Variants in MSRB3 observed in about 807,000 individuals in gnomAD.
MSRB3 encodes methionine sulfoxide reductase B3.
In MSRB3, 13 loss-of-function variants were observed where a neutral mutation model predicts 21.0. The observed-to-expected ratio is 0.62, with a 90% CI of 0.40 to 0.98. The LOEUF is 0.98. Ranked by LOEUF, MSRB3 falls within the 50% of genes least tolerant of loss-of-function variation. The pLI, the probability that MSRB3 is intolerant of heterozygous loss-of-function variation, is 0.00. For synonymous variants in MSRB3, 87 were observed against 88.6 expected, an observed-to-expected ratio of 0.98 and a Z score of 0.10; for missense variants, 199 against 230.3, an observed-to-expected ratio of 0.86 and a Z score of 0.88.
intron 5 of MSRB3, among the ~76,000 whole-genome samples, chr12:65,429,392 A>G (rs1296103333): frequency 6.6e-6 from 1 of 152,076 alleles, no homozygotes; most frequent in African/African-American, 2.4e-5. Context: ...AAGAGAAAGC[A>G]AGTATTTGAT....
chr12:65,349,215 A>C (rs533848579), intron 4 of MSRB3, among the ~76,000 whole-genome samples: 49 of 152,248 alleles, frequency 3.2e-4, no homozygotes, highest in African/African-American at 1.1e-3. Flanking sequence ...AGTTTCATCC[A>C]TGCCCCTACA....
chr12:65,462,216 G>A (rs532124786), intron 6 of MSRB3, among the ~76,000 whole-genome samples: 1 of 152,144 alleles, frequency 6.6e-6, no homozygotes, highest in African/African-American at 2.4e-5. Context: ...GTGCACCAGT[G>A]TCTCCATCTC....
chr12:65,279,225 C>A, intron 1 of MSRB3: 1 of 375,846 alleles, frequency 2.7e-6, no homozygotes, highest in Non-Finnish European at 4.3e-6. Flanking sequence ...CCGCGGGAGG[C>A]AGGGGAGGGG....
At chr12:65,390,275 C>T (rs2136575750) in intron 5 of MSRB3, among the ~76,000 whole-genome samples, 1 of 152,214 alleles carries the variant, frequency 6.6e-6, no homozygotes, top group East Asian at 1.9e-4. Flanking sequence ...ACCCCAAACG[C>T]AACTCCTTCA....
At chr12:65,325,902 A>G (rs1277830695) in intron 2 of MSRB3, among the ~76,000 whole-genome samples, 1 of 152,232 alleles carries the variant, frequency 6.6e-6, no homozygotes, top group East Asian at 1.9e-4. Context: ...TACTACATAT[A>G]AACAGGTGTT....
At position 65,351,225 on chromosome 12, in the gene MSRB3, C is replaced by T. The variant is rs1163312941; in HGVS notation, c.264-17773C>T. Among the ~76,000 whole-genome samples, 7 of 151,124 alleles carry T rather than the reference C, an allele frequency of 4.6e-5. No homozygotes were observed. In the East Asian group the frequency reaches 5.8e-4, roughly 13 times the overall value. On this transcript the variant is annotated intron_variant, in intron 4 of 6. Transcript: ENST00000308259. Reference sequence around the variant, plus strand: ...TCCTGAATGACTACTGGATACATAACGAAATGAAGGCAGAAATAAAGATGT... The same window carrying T: ...TCCTGAATGACTACTGGATACATAATGAAATGAAGGCAGAAATAAAGATGT...
At chr12:65,309,795 GAA>G (rs1364580675) in intron 2 of MSRB3, among the ~76,000 whole-genome samples, 1 of 152,120 alleles carries the variant, frequency 6.6e-6, no homozygotes, top group African/African-American at 2.4e-5. Flanking sequence ...AGTAGCATGG[GAA>G]AACATGAAGG....
intron 5 of MSRB3, among the ~76,000 whole-genome samples, chr12:65,425,519 T>C (rs1175191461): frequency 6.6e-6 from 1 of 152,162 alleles, no homozygotes; most frequent in Non-Finnish European, 1.5e-5. Flanking sequence ...GTATATCTAC[T>C]GTAGCTTTTT....
At position 65,328,548 on chromosome 12, in the gene MSRB3, C is replaced by T. The variant is rs1875204808; in HGVS notation, c.208C>T (p.His70Tyr). Residue 70 changes from histidine to tyrosine, a missense_variant, in exon 4 of 7, where the codon CAT becomes TAT. By Grantham distance (83) the His-to-Tyr change is moderately conservative. Coordinates refer to ENST00000308259, the MANE Select transcript of MSRB3 (RefSeq NM_001031679.3). Reference sequence around the variant, plus strand: ...CAGTGCCTTTGAAGGAGAATACACACATCACAAAGATCCTGGAATATATAA... The same window carrying T: ...CAGTGCCTTTGAAGGAGAATACACATATCACAAAGATCCTGGAATATATAA... ...TESAFEGEYT[H>Y]HKDPGIYKCV... 6.2e-7 allele frequency: 1 copy of T among 1,611,776 alleles called. No homozygotes were observed. Among genetic ancestry groups the T allele is most frequent in the Non-Finnish European group, 8.5e-7 (1 of 1,178,194 alleles).
intron 5 of MSRB3, among the ~76,000 whole-genome samples, chr12:65,431,376 G>C (rs1393268847): frequency 1.3e-5 from 2 of 151,950 alleles, no homozygotes; most frequent in Non-Finnish European, 2.9e-5. Context: ...TGCCTATACA[G>C]TTTCCAGCAT....
chr12:65,368,458 T>C (rs966043461), intron 4 of MSRB3, among the ~76,000 whole-genome samples: 2 of 152,156 alleles, frequency 1.3e-5, no homozygotes. Context: ...AACTGAGAGC[T>C]TCAAAGGCTT....
intron 5 of MSRB3, among the ~76,000 whole-genome samples, chr12:65,388,283 C>T (rs1879295396): frequency 6.6e-6 from 1 of 152,128 alleles, no homozygotes; most frequent in Non-Finnish European, 1.5e-5. Context: ...AAAGGGTCCT[C>T]TCCTTCCCAC....
chr12:65,326,698 C>T, intron 2 of MSRB3, 128 bp from the exon 3 acceptor site: 1 of 708,430 alleles, frequency 1.4e-6, no homozygotes, highest in Non-Finnish European at 2.6e-6. Context: ...TAAGCATTTC[C>T]AGTGCATTAG....
At chr12:65,291,480 C>T (rs984686295) in intron 1 of MSRB3, among the ~76,000 whole-genome samples, 1 of 150,392 alleles carries the variant, frequency 6.6e-6, no homozygotes, top group Non-Finnish European at 1.5e-5. Flanking sequence ...AAATATCTCT[C>T]ATCTTAAAAA....
At position 65,286,879 on chromosome 12, in the gene MSRB3, G is replaced by A. The variant is rs1377964749; in HGVS notation, c.-52+8014G>A. On this transcript the variant is annotated intron_variant, in intron 1 of 6. Coordinates refer to ENST00000308259, the MANE Select transcript of MSRB3 (RefSeq NM_001031679.3). ...AAAAATTAAAAAAAGAAATTAGCAA[G>A]GTGTGCTGGCATGCACCTGTGGTCC... Among the ~76,000 whole-genome samples, 3 of 151,206 alleles carry A rather than the reference G, an allele frequency of 2.0e-5. No homozygotes were observed. In the East Asian group the frequency reaches 5.9e-4, roughly 30 times the overall value.
At chr12:65,419,547 ATGGGCATTGTCGATCTGCAGAACAATG>A (rs1881166246) in intron 5 of MSRB3, 17 of 741,466 alleles carry the variant, frequency 2.3e-5, no homozygotes, top group Non-Finnish European at 2.0e-5. Context: ...CAGCAGCAAG[ATGGGCATTGTCGATCTGCAGAACAATG>A]TGGACATTGT....
chr12:65,357,860 C>T (rs922421850), intron 4 of MSRB3, among the ~76,000 whole-genome samples: 2 of 152,028 alleles, frequency 1.3e-5, no homozygotes, highest in Admixed American at 6.6e-5. Flanking sequence ...GCGAACAACA[C>T]GTCATCACTT....
chr12:65,382,380 G>A (rs1038214929), intron 5 of MSRB3, among the ~76,000 whole-genome samples: 1 of 151,746 alleles, frequency 6.6e-6, no homozygotes, highest in Admixed American at 6.6e-5. Context: ...TTATTTCTAT[G>A]TTAGAATAGT....
chr12:65,284,013 A>G (rs1294827083), intron 1 of MSRB3: 4 of 152,238 alleles, frequency 2.6e-5, no homozygotes, highest in Non-Finnish European at 5.9e-5. Context: ...CAACTCATAC[A>G]GAAGGAAATC....
Sources: allele counts gnomAD v4.1 joint callset (sites outside exome capture counted in the v4.1 genomes callset), GRCh38; gene constraint gnomAD v4.1.1; transcripts MANE v1.5; gene names NCBI Gene and HGNC (gene_info 2026-07-23, HGNC 2026-07-21).